DNAH9: variants seen among roughly 807,000 people sequenced by gnomAD.
DNAH9 encodes the protein dynein axonemal heavy chain 9.
In DNAH9, 345 loss-of-function variants were observed where a neutral mutation model predicts 471.6. That is an observed-to-expected ratio of 0.73 (90% CI 0.67 to 0.80). The LOEUF (loss-of-function observed/expected upper bound fraction) is 0.80. Among genes scored for constraint, DNAH9 ranks in the 30% least tolerant of loss-of-function variants. DNAH9 has a pLI of 0.00. For synonymous variants in DNAH9, 2,093 were observed against 2,123.6 expected (o/e 0.99, Z 0.40); for missense variants, 5,407 against 5,609.2 (o/e 0.96, Z 1.15).
At chr17:11,691,189 A>G (rs1385601078) in intron 20 of DNAH9, among the ~76,000 whole-genome samples, 3 of 152,204 alleles carry the variant, frequency 2.0e-5, no homozygotes, top group African/African-American at 7.2e-5. Context: ...TGCTAATCCC[A>G]AAAAGCATAT....
chr17:11,732,992 G>A (rs889109674), intron 28 of DNAH9, among the ~76,000 whole-genome samples: 2 of 152,194 alleles, frequency 1.3e-5, no homozygotes, highest in Non-Finnish European at 2.9e-5. Flanking sequence ...AGAGCCGAGG[G>A]AGCTTCCCAT....
intron 41 of DNAH9, among the ~76,000 whole-genome samples, chr17:11,788,333 C>A (rs926347235): frequency 6.6e-6 from 1 of 152,106 alleles, no homozygotes; most frequent in Admixed American, 6.5e-5. Context: ...TTTCTTTTTG[C>A]TTTTAATAAA....
intron 10 of DNAH9, among the ~76,000 whole-genome samples, chr17:11,644,190 C>T (rs969679175): frequency 6.6e-6 from 1 of 152,114 alleles, no homozygotes; most frequent in Admixed American, 6.6e-5. Context: ...CTTATGGGAC[C>T]GCAGTCACAT....
At chr17:11,890,072 T>C (rs573018311) in intron 57 of DNAH9, among the ~76,000 whole-genome samples, 1 of 152,358 alleles carries the variant, frequency 6.6e-6, no homozygotes, top group East Asian at 1.9e-4. Flanking sequence ...TAATTTTTTT[T>C]ACATGTTTTC....
intron 28 of DNAH9, among the ~76,000 whole-genome samples, chr17:11,731,130 G>A (rs565102569): frequency 3.6e-5 from 5 of 138,984 alleles, no homozygotes; most frequent in African/African-American, 1.1e-4. Context: ...CAGTGATGAC[G>A]TTGATAATGA....
intron 43 of DNAH9, among the ~76,000 whole-genome samples, chr17:11,798,832 GC>G (rs1969350121): frequency 6.6e-6 from 1 of 152,048 alleles, no homozygotes. Flanking sequence ...GTGCCCCAGG[GC>G]CTAGAGAGGA....
chr17:11,904,778 G>A (rs932767258), intron 60 of DNAH9, among the ~76,000 whole-genome samples: 2 of 152,056 alleles, frequency 1.3e-5, no homozygotes, highest in Admixed American at 6.5e-5. Context: ...AGGGAAAATA[G>A]TGTTCCTGGG....
chr17:11,721,397 C>T (rs1046087527), intron 27 of DNAH9, among the ~76,000 whole-genome samples: 1 of 152,082 alleles, frequency 6.6e-6, no homozygotes, highest in Admixed American at 6.5e-5. Flanking sequence ...GTGAAACATG[C>T]CAGAAGGGAG....
chr17:11,682,082 A>G (rs2074142560), intron 19 of DNAH9, among the ~76,000 whole-genome samples: 1 of 152,146 alleles, frequency 6.6e-6, no homozygotes, highest in Non-Finnish European at 1.5e-5. Flanking sequence ...GTTGTCTGGG[A>G]GTTTTAAAAT....
At chr17:11,966,576 G>A (rs779024762) in intron 68 of DNAH9, among the ~76,000 whole-genome samples, 6 of 152,176 alleles carry the variant, frequency 3.9e-5, no homozygotes, top group Non-Finnish European at 8.8e-5. Flanking sequence ...ATAAAAGATA[G>A]TATAAATGCA....
chr17:11,837,600 C>T (rs1411416522), intron 49 of DNAH9, among the ~76,000 whole-genome samples: 1 of 152,228 alleles, frequency 6.6e-6, no homozygotes, highest in Non-Finnish European at 1.5e-5. Flanking sequence ...TCTGCTCCTA[C>T]CCATAATCCA....
Position 11,781,008 on chromosome 17 carries a change from G to A in DNAH9, c.7553-1G>A, listed in dbSNP as rs1166058965. ...CCCTCACCGACTGGCTCTCTCCCCA[G>A]CTGTCCTGGAGAAGCCTCTGGAAAA... On this transcript the variant is annotated splice_acceptor_variant, in intron 38 of 68. Coordinates refer to ENST00000262442, the MANE Select transcript of DNAH9 (RefSeq NM_001372.4). LOFTEE classifies it high-confidence loss of function. 2.5e-6 allele frequency: 4 copies of A among 1,613,336 alleles called. No individual in the cohort carries two copies. Among genetic ancestry groups the A allele is most frequent in the Non-Finnish European group, 3.4e-6 (4 of 1,179,708 alleles).
At chr17:11,832,319 CAACAA>C (rs1227016093) in intron 48 of DNAH9, among the ~76,000 whole-genome samples, 3 of 151,992 alleles carry the variant, frequency 2.0e-5, no homozygotes, top group African/African-American at 4.8e-5. Context: ...TATCTGCAAT[CAACAA>C]AACAAAACAA....
At chr17:11,651,531 G>GA (rs1231228925) in intron 13 of DNAH9, among the ~76,000 whole-genome samples, 11 of 152,132 alleles carry the variant, frequency 7.2e-5, no homozygotes, top group South Asian at 2.1e-4. Flanking sequence ...GATAAATTTA[G>GA]AAAACCTTGT....
chr17:11,647,318 G>C, intron 12 of DNAH9, 120 bp downstream of exon 12: 1 of 1,030,946 alleles, frequency 9.7e-7, no homozygotes, highest in Non-Finnish European at 1.4e-6. Flanking sequence ...TGTCGCCCAG[G>C]CTGGAGTGCA....
intron 43 of DNAH9, among the ~76,000 whole-genome samples, chr17:11,806,727 A>G (rs1011723337): frequency 1.6e-4 from 25 of 152,298 alleles, no homozygotes; most frequent in East Asian, 1.2e-3. Context: ...AAGGGCCTAT[A>G]ATTCACATCA....
rs556962803 is a variant in DNAH9, at chr17:11,720,348, A to G, written c.5709+858A>G. 5.0e-4 allele frequency among the ~76,000 whole-genome samples: 76 copies of G among 151,986 alleles called. 1 individual carries two copies. The highest frequency in any genetic ancestry group is 8.8e-4 in the Non-Finnish European group (60 of 68,020). ...TGTGCCATGTTGGTGTGCTGCACCC[A>G]TTAACTCATCATTTATATTAGTTGT... On this transcript the variant is annotated intron_variant, in intron 27 of 68. Coordinates refer to ENST00000262442, the MANE Select transcript of DNAH9 (RefSeq NM_001372.4).
At chr17:11,637,650 CA>C (rs566317959) in intron 9 of DNAH9, among the ~76,000 whole-genome samples, 94 of 152,284 alleles carry the variant, frequency 6.2e-4, no homozygotes, top group African/African-American at 2.2e-3. Flanking sequence ...GTCAGTCGCA[CA>C]GCGCTTTGCA....
At position 11,949,719 on chromosome 17, in the gene DNAH9, G is replaced by T. The variant is rs1354479654; in HGVS notation, c.12843+7234G>T. On this transcript the variant is annotated intron_variant, in intron 67 of 68. Coordinates refer to ENST00000262442, the MANE Select transcript of DNAH9 (RefSeq NM_001372.4). ...TGGTCTCAAACTCCCAACCTCAGCT[G>T]AATCACCTACCTCCACCACAAAGTG... is the stretch of plus-strand genomic sequence containing the variant. Among the ~76,000 whole-genome samples, 3 of 152,114 alleles carry T rather than the reference G, an allele frequency of 2.0e-5. No homozygotes were observed. In the East Asian group the frequency reaches 5.8e-4, roughly 29 times the overall value.
Sources: allele counts gnomAD v4.1 joint callset (sites outside exome capture counted in the v4.1 genomes callset), GRCh38; gene constraint gnomAD v4.1.1; transcripts MANE v1.5; gene names NCBI Gene and HGNC (gene_info 2026-07-23, HGNC 2026-07-21).